SDK2: variants seen among roughly 807,000 people sequenced by gnomAD.
The protein encoded by SDK2 is protein sidekick-2.
In SDK2, 105 loss-of-function variants were observed where a neutral mutation model predicts 253.9. The observed-to-expected ratio is 0.41, with a 90% confidence interval of 0.35 to 0.49. The LOEUF is 0.49. Ranked by LOEUF, SDK2 falls within the 20% of genes least tolerant of loss-of-function variation. SDK2 has a pLI of 0.06. For synonymous variants in SDK2, 1,249 were observed against 1,234.9 expected, an observed-to-expected ratio of 1.01 and a Z score of -0.24; for missense variants, 2,608 against 3,003.0, an observed-to-expected ratio of 0.87 and a Z score of 3.07.
chr17:73,627,823 G>T (rs1471863006), intron 1 of SDK2, among the ~76,000 whole-genome samples: 6 of 152,154 alleles, frequency 3.9e-5, no homozygotes, highest in Non-Finnish European at 8.8e-5. Context: ...CCGAGATTGG[G>T]CGGATCACGA....
At position 73,403,092 on chromosome 17, in the gene SDK2, C is replaced by A. The variant is rs150795597; in HGVS notation, c.2485-951G>T. Reference sequence around the variant, plus strand: ...GGGATTACAGGCATGAGCCGCTGTGCCCAGCCCAACCCTGTATTTTACAGA... The same window carrying A: ...GGGATTACAGGCATGAGCCGCTGTGACCAGCCCAACCCTGTATTTTACAGA... On this transcript the variant is annotated intron_variant, in intron 18 of 44. Coordinates refer to ENST00000392650, the MANE Select transcript of SDK2 (RefSeq NM_001144952.2). 2.3e-3 allele frequency among the ~76,000 whole-genome samples: 357 copies of A among 152,316 alleles called. 4 individuals carry two copies. The highest frequency in any genetic ancestry group is 0.02 in the Middle Eastern group (6 of 294).
intron 1 of SDK2, among the ~76,000 whole-genome samples, chr17:73,636,680 C>CAAA (rs561026344): frequency 1.5e-3 from 76 of 50,966 alleles, no homozygotes; most frequent in African/African-American, 2.1e-3. Context: ...GACTCTGTCT[C>CAAA]AAAAAAAAAA....
chr17:73,397,643 A>G (rs1258237975), intron 24 of SDK2, among the ~76,000 whole-genome samples: 1 of 152,162 alleles, frequency 6.6e-6, no homozygotes, highest in Non-Finnish European at 1.5e-5. Flanking sequence ...ACACTCTCTG[A>G]ATGCCACAGT....
At chr17:73,407,699 A>AGT (rs1455710816) in intron 18 of SDK2, among the ~76,000 whole-genome samples, 1 of 152,114 alleles carries the variant, frequency 6.6e-6, no homozygotes, top group Non-Finnish European at 1.5e-5. Flanking sequence ...ATCCTCCCAA[A>AGT]GTGTTGGGAT....
chr17:73,391,715 G>A (rs368488299), intron 27 of SDK2, among the ~76,000 whole-genome samples, 177 bp from the exon 28 acceptor site: 3 of 152,342 alleles, frequency 2.0e-5, no homozygotes, highest in Admixed American at 2.0e-4. Flanking sequence ...GGGCAAGAAC[G>A]TGGAACCAAG....
Position 73,435,486 on chromosome 17 carries a change from C to T in SDK2, c.1159G>A (p.Gly387Ser), listed in dbSNP as rs202233721. The T allele has an allele frequency of 9.8e-5, 157 of 1,599,786 alleles. No individual in the cohort carries two copies. In the Middle Eastern group the frequency reaches 9.9e-4, roughly 10 times the overall value. The change falls in exon 9 of 45, where the codon GGC becomes AGC. Residue 387 changes from glycine (G) to serine (S), a missense_variant. Gly to Ser is a moderately conservative substitution (Grantham distance 56). Transcript: ENST00000392650. This position sits in a 1 kb window ranked among gnomAD's most constrained non-coding sequence, Gnocchi z 5.7. ...AGGTAGGTGGAAGTTTGCACCTCGC[C>T]GGCTGCATTGCGGGCGAAGCACTGG... The part of the protein sequence containing the change: ...MFQCFARNAA[G>S]EVQTSTYLAV...
intron 1 of SDK2, among the ~76,000 whole-genome samples, chr17:73,595,306 T>G (rs955183919): frequency 6.0e-5 from 9 of 150,250 alleles, no homozygotes; most frequent in Non-Finnish European, 1.2e-4. Context: ...AGAAATAGAG[T>G]CGGGGTGGCC....
intron 42 of SDK2, 71 bp downstream of exon 42, chr17:73,350,579 C>T (rs534579286): frequency 5.8e-6 from 9 of 1,539,066 alleles, no homozygotes; most frequent in Non-Finnish European, 7.9e-6. Context: ...ACCTGATCAC[C>T]CCTGTTCTGG....
intron 15 of SDK2, among the ~76,000 whole-genome samples, chr17:73,420,653 C>G (rs555499980): frequency 3.1e-4 from 46 of 150,800 alleles, no homozygotes; most frequent in African/African-American, 1.0e-3. Flanking sequence ...TTTGTAGAGG[C>G]TGGGGTAAGG....
chr17:73,629,994 C>T lies in SDK2; in HGVS notation c.64+14031G>A, dbSNP rs549313854. Among the ~76,000 whole-genome samples the T allele has an allele frequency of 2.0e-5, 3 of 152,210 alleles. No homozygotes were observed. The highest frequency in any genetic ancestry group is 4.1e-4 in the South Asian group (2 of 4,822). ...AAGAATGAGTGCTGGTCAATACCAACCCCCCACCAGGTGCAAGGCCATCAC... is the reference window on the plus strand; with the variant it reads ...AAGAATGAGTGCTGGTCAATACCAATCCCCCACCAGGTGCAAGGCCATCAC... On this transcript the variant is annotated intron_variant, in intron 1 of 44. Coordinates refer to ENST00000392650, the MANE Select transcript of SDK2 (RefSeq NM_001144952.2). This position sits in a 1 kb window ranked among gnomAD's most constrained non-coding sequence, Gnocchi z 5.0.
Position 73,339,213 on chromosome 17 carries a change from G to GTTTTTTTTGTTTTTTTTTTTTTT in SDK2, c.6166-274_6166-273insAAAAAAAAAAAAAACAAAAAAAA, listed in dbSNP as rs1568356151. Among the ~76,000 whole-genome samples the GTTTTTTTTGTTTTTTTTTTTTTT allele has an allele frequency of 2.4e-5, 3 of 127,610 alleles. 1 individual carries two copies. The highest frequency in any genetic ancestry group is 1.7e-5 in the Non-Finnish European group (1 of 58,738). 83.7% of individuals were successfully genotyped at this position (127,610 alleles called of 152,430 possible). On this transcript the variant is annotated intron_variant, in intron 44 of 44. Coordinates refer to ENST00000392650, the MANE Select transcript of SDK2 (RefSeq NM_001144952.2). ...TACCTGATAGAATCAGAAGACCTGAGTTTTTTTTTGTTTTTGTTTTTGTTT... is the reference window on the plus strand; with the variant it reads ...TACCTGATAGAATCAGAAGACCTGAGTTTTTTTTGTTTTTTTTTTTTTTTTTTTTTTTGTTTTTGTTTTTGTTT...
chr17:73,490,774 C>T (rs759902578), intron 2 of SDK2, among the ~76,000 whole-genome samples: 6 of 151,880 alleles, frequency 4.0e-5, no homozygotes, highest in Non-Finnish European at 1.5e-5. Context: ...GATCCACCAC[C>T]CCTTGGCCTC....
At chr17:73,483,454 G>C (rs1034239698) in intron 2 of SDK2, among the ~76,000 whole-genome samples, 1 of 146,084 alleles carries the variant, frequency 6.8e-6, no homozygotes, top group African/African-American at 2.5e-5. Flanking sequence ...CTACAGATAC[G>C]TGCACCACCA....
chr17:73,342,956 A>C (rs1399621100), intron 44 of SDK2, among the ~76,000 whole-genome samples: 4 of 152,230 alleles, frequency 2.6e-5, no homozygotes, highest in East Asian at 1.9e-4. Context: ...CTCCCCTGGG[A>C]GGGATTAGAA....
rs118125871 is a variant in SDK2, at chr17:73,409,897, C to T, written c.2484+4747G>A. Among the ~76,000 whole-genome samples, 542 of 152,232 alleles carry T rather than the reference C, an allele frequency of 3.6e-3. 24 individuals carry two copies. The East Asian group carries it at 0.085, about 24-fold the overall frequency. On this transcript the variant is annotated intron_variant, in intron 18 of 44. Coordinates refer to ENST00000392650, the MANE Select transcript of SDK2 (RefSeq NM_001144952.2). The stretch of plus-strand genomic sequence containing the variant: ...TGACACAGGGTCTCACTCTGTCACT[C>T]GGGCTGGAGTGCAGTGACGTGATTT...
intron 1 of SDK2, among the ~76,000 whole-genome samples, chr17:73,525,019 C>T (rs185088715): frequency 5.9e-5 from 9 of 152,396 alleles, no homozygotes; most frequent in Admixed American, 3.9e-4. Flanking sequence ...GTCCAAGACT[C>T]ACCTTCCTAG....
At chr17:73,626,990 G>C (rs572137345) in intron 1 of SDK2, among the ~76,000 whole-genome samples, 21 of 152,288 alleles carry the variant, frequency 1.4e-4, no homozygotes, top group Admixed American at 4.6e-4. Flanking sequence ...CACTAGCCGG[G>C]GGGGTGTAAA....
Position 73,393,566 on chromosome 17 carries a change from C to T in SDK2, c.3892G>A (p.Asp1298Asn). The change falls in exon 27 of 45, where the codon GAT (aspartate) becomes AAT (asparagine). Residue 1298 changes from aspartate (D) to asparagine (N), a missense_variant. Around this residue, in one of 2 missense-constraint regions of SDK2, gnomAD observed 1,505 missense variants for 1,859.1 expected, o/e 0.81. Transcript: ENST00000392650. ...TGCTGGGATACGGACTCACCATCATCCAGCGTCCGCTCCAGGATGGGAGGG... is the reference window on the plus strand; with the variant it reads ...TGCTGGGATACGGACTCACCATCATTCAGCGTCCGCTCCAGGATGGGAGGG... ...SHPPILERTL[D>N]DVPGPPMGIL... The T allele has an allele frequency of 6.4e-7, 1 of 1,558,626 alleles. No individual in the cohort carries two copies. Among genetic ancestry groups the T allele is most frequent in the Non-Finnish European group, 8.7e-7 (1 of 1,144,010 alleles).
chr17:73,477,275 C>G (rs937248525), intron 2 of SDK2, among the ~76,000 whole-genome samples: 2 of 152,100 alleles, frequency 1.3e-5, no homozygotes, highest in African/African-American at 4.8e-5. Context: ...AGCTGCCAGC[C>G]CAGCAGGAGA....
Sources: allele counts gnomAD v4.1 joint callset (sites outside exome capture counted in the v4.1 genomes callset), GRCh38; gene constraint gnomAD v4.1.1; regional missense constraint gnomAD v4.1.1; non-coding constraint Gnocchi (gnomAD v3.1); transcripts MANE v1.5; gene names NCBI Gene and HGNC (gene_info 2026-07-23, HGNC 2026-07-21).